Variants in AMBRA1 observed in about 807,000 individuals in gnomAD.
AMBRA1 encodes the protein activating molecule in BECN1-regulated autophagy protein 1.
Under a neutral mutation model 125.4 loss-of-function variants are expected in AMBRA1, and 47 were observed. The ratio of observed to expected loss-of-function variants is 0.37; its 90% CI spans 0.30 to 0.48. The LOEUF is 0.48. Ranked by LOEUF, AMBRA1 falls within the 20% of genes least tolerant of loss-of-function variation. The pLI, the probability that AMBRA1 is intolerant of heterozygous loss-of-function variation, is 0.99. For missense variants in AMBRA1, 1,331 were observed against 1,693.4 expected (o/e 0.79, Z 3.76); for synonymous variants, 626 against 655.5 (o/e 0.95, Z 0.69).
At chr11:46,445,405 A>G (rs1387584435) in intron 11 of AMBRA1, among the ~76,000 whole-genome samples, 2 of 152,010 alleles carry the variant, frequency 1.3e-5, no homozygotes, top group Non-Finnish European at 2.9e-5. Context: ...TCAAATCTCT[A>G]TTTGAGGTCC....
chr11:46,544,058 A>C lies in AMBRA1; in HGVS notation c.552-17T>G, dbSNP rs779983940. On this transcript the variant is annotated splice_polypyrimidine_tract_variant and intron_variant, in intron 5 of 17. Transcript: ENST00000683756. ...CTCACCAGACTAAAATCACAGAAGA[A>C]AGAGACAAAGACACACATAGAGAGA... 2 of 1,602,890 alleles carry C rather than the reference A, an allele frequency of 1.2e-6. No homozygotes were observed. Among genetic ancestry groups the C allele is most frequent in the Admixed American group, 3.3e-5 (2 of 59,850 alleles).
intron 1 of AMBRA1, among the ~76,000 whole-genome samples, chr11:46,581,797 C>CAAAA (rs1162857231): frequency 1.7e-4 from 12 of 69,834 alleles, no homozygotes; most frequent in East Asian, 4.6e-4. Context: ...AAAACTCCAT[C>CAAAA]AAAAAAAAAA....
At chr11:46,404,525 A>G (rs997062124) in intron 17 of AMBRA1, among the ~76,000 whole-genome samples, 1 of 151,684 alleles carries the variant, frequency 6.6e-6, no homozygotes, top group Non-Finnish European at 1.5e-5. Flanking sequence ...TCTGACCCAC[A>G]CCTCCCCTGC....
intron 1 of AMBRA1, chr11:46,591,446 A>T (rs890093369): frequency 5.9e-5 from 9 of 152,214 alleles, no homozygotes; most frequent in Non-Finnish European, 1.2e-4. Flanking sequence ...CCTCACACAA[A>T]AAATTAAAGG....
chr11:46,463,830 C>T (rs2136846324), intron 11 of AMBRA1, among the ~76,000 whole-genome samples: 1 of 152,328 alleles, frequency 6.6e-6, no homozygotes, highest in African/African-American at 2.4e-5. Flanking sequence ...GGGCTTCCCT[C>T]TGCAAGTTGG....
At chr11:46,549,835 G>T (rs1273289499) in intron 1 of AMBRA1, among the ~76,000 whole-genome samples, 1 of 151,628 alleles carries the variant, frequency 6.6e-6, no homozygotes, top group East Asian at 1.9e-4. Flanking sequence ...TGGGGGGGGT[G>T]GGGGACAGAG....
At chr11:46,514,152 G>A (rs1951381572) in intron 7 of AMBRA1, among the ~76,000 whole-genome samples, 1 of 152,184 alleles carries the variant, frequency 6.6e-6, no homozygotes, top group African/African-American at 2.4e-5. Flanking sequence ...AGACCTGCAG[G>A]ATAAGGACAG....
At chr11:46,447,741 TAGATAGATAGATAGA>T (rs1454555389) in intron 11 of AMBRA1, among the ~76,000 whole-genome samples, 25 of 150,576 alleles carry the variant, frequency 1.7e-4, no homozygotes, top group African/African-American at 5.9e-4. Flanking sequence ...GATAGATAGA[TAGATAGATAGATAGA>T]TAGATAGATA....
At chr11:46,533,809 T>C (rs995183278) in intron 7 of AMBRA1, among the ~76,000 whole-genome samples, 1 of 152,104 alleles carries the variant, frequency 6.6e-6, no homozygotes, top group African/African-American at 2.4e-5. Context: ...AAAAATCTTT[T>C]AAATGGCTTA....
intron 11 of AMBRA1, among the ~76,000 whole-genome samples, chr11:46,449,395 TG>T (rs1202104729): frequency 1.3e-5 from 2 of 152,172 alleles, no homozygotes; most frequent in African/African-American, 4.8e-5. Flanking sequence ...AATGAATGAC[TG>T]GAACTTGAAA....
chr11:46,489,947 A>T (rs7106740), intron 11 of AMBRA1, among the ~76,000 whole-genome samples: 2,931 of 152,324 alleles, frequency 0.019, 35 homozygotes, highest in Non-Finnish European at 0.031. Context: ...TCAGCCTCTC[A>T]CAGTGATATT....
In AMBRA1 at chr11:46,451,340, T is replaced by C. The variant is rs375078081; in HGVS notation, c.2522-7742A>G. Among the ~76,000 whole-genome samples the C allele has an allele frequency of 4.6e-5, 7 of 152,294 alleles. No individual in the cohort carries two copies. The East Asian group carries it at 1.2e-3, about 25-fold the overall frequency. ...CAGAATGTGTCTAGGGATAAAATCA[T>C]AATAATCATCACAGTCACATGATAG... On this transcript the variant is annotated intron_variant, in intron 11 of 17. Coordinates refer to ENST00000683756, the MANE Select transcript of AMBRA1 (RefSeq NM_001387011.1).
intron 11 of AMBRA1, among the ~76,000 whole-genome samples, chr11:46,466,563 C>T (rs1949334394): frequency 1.3e-5 from 2 of 152,040 alleles, no homozygotes; most frequent in African/African-American, 4.8e-5. Context: ...AGAGCTAATA[C>T]CAGTTCAGTG....
chr11:46,399,761 T>C (rs974249220), intron 17 of AMBRA1, among the ~76,000 whole-genome samples: 2 of 152,150 alleles, frequency 1.3e-5, no homozygotes, highest in African/African-American at 4.8e-5. Context: ...CAGTTATTGT[T>C]CTCCTGGGGC....
At chr11:46,429,826 G>A (rs943190086) in intron 14 of AMBRA1, among the ~76,000 whole-genome samples, 7 of 152,146 alleles carry the variant, frequency 4.6e-5, no homozygotes, top group Admixed American at 3.9e-4. Context: ...TGAGAATTCA[G>A]CAAAACTTCA....
At position 46,573,934 on chromosome 11, in the gene AMBRA1, C is replaced by T. The variant is rs376691998; in HGVS notation, c.-121+19894G>A. 1.8e-3 allele frequency among the ~76,000 whole-genome samples: 263 copies of T among 144,550 alleles called. 2 individuals carry two copies. The South Asian group carries it at 0.037, about 21-fold the overall frequency. The allele number at this position is 144,550 out of a possible 152,430, so 94.8% of individuals were successfully genotyped here. On this transcript the variant is annotated intron_variant, in intron 1 of 17. Transcript: ENST00000683756. ...TGCGGTGTTTGGTTTTTTGTTCTTG[C>T]GATAGTTTACTGAGAATGATGATTT...
intron 5 of AMBRA1, among the ~76,000 whole-genome samples, chr11:46,545,167 G>GCA (rs1261798221): frequency 7.1e-6 from 1 of 141,548 alleles, no homozygotes; most frequent in Non-Finnish European, 1.6e-5. Context: ...AAGCCGGGGG[G>GCA]GGGGGGGTGG....
intron 7 of AMBRA1, among the ~76,000 whole-genome samples, chr11:46,522,415 C>T (rs1951801484): frequency 6.6e-6 from 1 of 152,102 alleles, no homozygotes; most frequent in South Asian, 2.1e-4. Context: ...AATCCATTTC[C>T]CTGGGAGACT....
chr11:46,397,599 A>T lies in AMBRA1; in HGVS notation c.3748T>A (p.Ser1250Thr). ...GREPTQPTLP[S>T]SSPVPIPVSL... is the part of the protein sequence containing the mutation. ...ACAGGAATGGGGACAGGGGAGGAAG[A>T]GGGCAGGGTTGGCTGGGTTGGCTCC... Residue 1250 changes from serine to threonine, a missense_variant, in exon 18 of 18, where the codon TCT becomes ACT. Coordinates refer to ENST00000683756, the MANE Select transcript of AMBRA1 (RefSeq NM_001387011.1). 1.2e-6 allele frequency: 2 copies of T among 1,605,168 alleles called. No homozygotes were observed. Among genetic ancestry groups the T allele is most frequent in the South Asian group, 1.1e-5 (1 of 89,980 alleles).
Sources: allele counts gnomAD v4.1 joint callset (sites outside exome capture counted in the v4.1 genomes callset), GRCh38; gene constraint gnomAD v4.1.1; transcripts MANE v1.5; gene names NCBI Gene and HGNC (gene_info 2026-07-23, HGNC 2026-07-21).